The following MTUS1 variants were observed in gnomAD, a reference collection of about 807,000 sequenced individuals.
MTUS1 encodes microtubule associated scaffold protein 1, also known as microtubule-associated tumor suppressor 1.
A neutral mutation model predicts 120.8 loss-of-function variants in MTUS1; 109 were observed. That is an observed-to-expected ratio of 0.90 (90% CI 0.77 to 1.06). The LOEUF is 1.06. MTUS1 is among the 50% of genes least tolerant of loss of function. The pLI is 0.00. For synonymous variants in MTUS1, 737 were observed against 550.5 expected, an observed-to-expected ratio of 1.34 and a Z score of -4.74; for missense variants, 2,210 against 1,486.3, an observed-to-expected ratio of 1.49 and a Z score of -8.01.
At chr8:17,722,227 G>T in intron 4 of MTUS1, 1 of 1,001,582 alleles carries the variant, frequency 1.0e-6, no homozygotes, top group Non-Finnish European at 1.2e-6. Context: ...GTACTGAAAC[G>T]GTGGCCAAGT....
intron 6 of MTUS1, among the ~76,000 whole-genome samples, chr8:17,704,578 C>T (rs907459750): frequency 2.6e-5 from 4 of 152,040 alleles, no homozygotes; most frequent in African/African-American, 7.2e-5. Flanking sequence ...ATTAGCTAAC[C>T]GTATATGCAC....
At chr8:17,742,947 A>C (rs1395479458) in intron 3 of MTUS1, among the ~76,000 whole-genome samples, 1 of 152,286 alleles carries the variant, frequency 6.6e-6, no homozygotes, top group East Asian at 1.9e-4. Context: ...TTCTCAGTCA[A>C]TTGGAATGGC....
At chr8:17,750,510 G>A (rs988582417) in intron 2 of MTUS1, among the ~76,000 whole-genome samples, 1 of 152,134 alleles carries the variant, frequency 6.6e-6, no homozygotes, top group Non-Finnish European at 1.5e-5. Flanking sequence ...TTTTGAAACC[G>A]TATGGTGTAT....
chr8:17,774,614 A>C (rs1199288248), intron 1 of MTUS1, among the ~76,000 whole-genome samples: 1 of 152,160 alleles, frequency 6.6e-6, no homozygotes, highest in Non-Finnish European at 1.5e-5. Flanking sequence ...ATATGGAGAA[A>C]TTGGAACCCC....
intron 6 of MTUS1, among the ~76,000 whole-genome samples, chr8:17,698,731 C>T (rs1818459747): frequency 6.6e-6 from 1 of 152,008 alleles, no homozygotes; most frequent in African/African-American, 2.4e-5. Flanking sequence ...CTCAAGCCCC[C>T]TCCCTCTTCA....
chr8:17,712,619 G>A (rs1821548033), intron 6 of MTUS1, among the ~76,000 whole-genome samples: 1 of 152,166 alleles, frequency 6.6e-6, no homozygotes, highest in South Asian at 2.1e-4. Context: ...GATTACAGGT[G>A]TGAGCCACTG....
intron 5 of MTUS1, among the ~76,000 whole-genome samples, chr8:17,714,206 C>A (rs751544364): frequency 1.3e-5 from 2 of 152,164 alleles, no homozygotes; most frequent in Non-Finnish European, 2.9e-5. Context: ...CTGCTGCACA[C>A]TGAAGAATTC....
At chr8:17,759,078 C>T (rs7459776) in intron 1 of MTUS1, among the ~76,000 whole-genome samples, 148,062 of 151,754 alleles carry the variant, frequency 0.98, 72,335 homozygotes, top group East Asian at 1. Context: ...AGATGGTGTT[C>T]CACTGTGTTA....
Position 17,695,762 on chromosome 8 carries a change from A to G in MTUS1, c.2624-11220T>C, listed in dbSNP as rs77881006. ...CAAATCTAAAACACATTAACTTTAA[A>G]AAGGTATAGAATATATAGTACGCTT... is the stretch of plus-strand genomic sequence containing the variant. On this transcript the variant is annotated intron_variant, in intron 6 of 14. Transcript: ENST00000693296. 4.4e-3 allele frequency among the ~76,000 whole-genome samples: 665 copies of G among 152,332 alleles called. 7 individuals carry two copies. Among genetic ancestry groups the G allele is most frequent in the African/African-American group, 0.015 (617 of 41,584 alleles).
intron 5 of MTUS1, among the ~76,000 whole-genome samples, chr8:17,713,978 T>G (rs1821833877): frequency 6.6e-6 from 1 of 152,214 alleles, no homozygotes; most frequent in African/African-American, 2.4e-5. Flanking sequence ...CATTTTAGAA[T>G]TCTGAGTCTC....
At chr8:17,742,269 G>GTTTTTTTT (rs1210338239) in intron 3 of MTUS1, among the ~76,000 whole-genome samples, 27 of 94,898 alleles carry the variant, frequency 2.8e-4, no homozygotes, top group Middle Eastern at 6.9e-3. Context: ...ATGCCCAGCT[G>GTTTTTTTT]TTTTTTTTTT....
rs142743390 is a variant in MTUS1, at chr8:17,747,716, G to A, written c.2092-3917C>T. 7.4e-3 allele frequency among the ~76,000 whole-genome samples: 1,126 copies of A among 152,270 alleles called. 11 individuals are homozygous for A. Among genetic ancestry groups the A allele is most frequent in the South Asian group, 0.053 (254 of 4,826 alleles). ...AAGACCCCAGACTCACTTGGTAGGG[G>A]AGACAAGCGGCTTGACTGATGTATT... On this transcript the variant is annotated intron_variant, in intron 2 of 14. Transcript: ENST00000693296.
chr8:17,773,278 G>T (rs895267410), intron 1 of MTUS1, among the ~76,000 whole-genome samples: 1 of 152,142 alleles, frequency 6.6e-6, no homozygotes, highest in African/African-American at 2.4e-5. Context: ...ATCACCATAC[G>T]TAGTGCAGGA....
chr8:17,704,461 T>C (rs73200177), intron 6 of MTUS1, among the ~76,000 whole-genome samples: 48 of 152,268 alleles, frequency 3.2e-4, no homozygotes, highest in Admixed American at 2.6e-3. Context: ...CTGTGTGAGA[T>C]AAGGGTCCAA....
At chr8:17,685,393 A>G (rs1189904191) in intron 6 of MTUS1, among the ~76,000 whole-genome samples, 4 of 152,222 alleles carry the variant, frequency 2.6e-5, no homozygotes, top group South Asian at 2.1e-4. Flanking sequence ...TTGGAAAAAC[A>G]GGACATCAAT....
chr8:17,755,786 C>A lies in MTUS1; in HGVS notation c.22G>T (p.Asp8Tyr). Residue 8 changes from aspartate to tyrosine, a missense_variant, in exon 2 of 15, where the codon GAT becomes TAT. Transcript: ENST00000693296. ...GTTTGCAATTCATCTTCTATTTTAT[C>A]ATCTGAATTATCATCAGTCATCCTG... MTDDNSD[D>Y]KIEDELQTFF... The A allele has an allele frequency of 6.2e-7, 1 of 1,613,288 alleles. No individual in the cohort carries two copies. Among genetic ancestry groups the A allele is most frequent in the Non-Finnish European group, 8.5e-7 (1 of 1,179,740 alleles).
intron 8 of MTUS1, among the ~76,000 whole-genome samples, chr8:17,664,474 C>T (rs1302529294): frequency 6.6e-6 from 1 of 151,698 alleles, no homozygotes; most frequent in Non-Finnish European, 1.5e-5. Flanking sequence ...CGAAATCCCC[C>T]TCTCTGCACC....
chr8:17,720,468 T>C (rs1300046123), intron 4 of MTUS1, among the ~76,000 whole-genome samples: 1 of 152,192 alleles, frequency 6.6e-6, no homozygotes, highest in Non-Finnish European at 1.5e-5. Flanking sequence ...GAACACTCCA[T>C]TTCTTTTATT....
At chr8:17,652,533 CT>C (rs919206337) in intron 12 of MTUS1, among the ~76,000 whole-genome samples, 40 of 151,752 alleles carry the variant, frequency 2.6e-4, no homozygotes, top group African/African-American at 9.5e-4. Flanking sequence ...TCCAGGGTTC[CT>C]TTTGGGGGTG....
Sources: allele counts gnomAD v4.1 joint callset (sites outside exome capture counted in the v4.1 genomes callset), GRCh38; gene constraint gnomAD v4.1.1; transcripts MANE v1.5; gene names NCBI Gene and HGNC (gene_info 2026-07-23, HGNC 2026-07-21).